Variants in FARP2 observed in about 807,000 individuals in gnomAD.
The protein encoded by FARP2 is FERM, ARHGEF and pleckstrin domain-containing protein 2.
Under a neutral mutation model 130.5 loss-of-function variants are expected in FARP2, and 111 were observed. The ratio of observed to expected loss-of-function variants is 0.85; its 90% confidence interval spans 0.73 to 1.00. The LOEUF (loss-of-function observed/expected upper bound fraction) is 1.00. Among genes scored for constraint, FARP2 ranks in the 50% least tolerant of loss-of-function variants. FARP2 has a pLI of 0.00. For synonymous variants in FARP2, 504 were observed against 516.9 expected, an observed-to-expected ratio of 0.98 and a Z score of 0.34; for missense variants, 1,385 against 1,346.3, an observed-to-expected ratio of 1.03 and a Z score of -0.45.
intron 17 of FARP2, chr2:241,465,988 A>G: frequency 7.2e-7 from 1 of 1,387,820 alleles, no homozygotes; most frequent in Middle Eastern, 2.7e-4. Flanking sequence ...AGGCAGTTGC[A>G]CTAATTTAAA....
In FARP2 at chr2:241,467,210, C is replaced by T. The variant is rs541735507; in HGVS notation, c.1894-930C>T. On this transcript the variant is annotated intron_variant, in intron 17 of 26. Transcript: ENST00000264042. ...GGTTGAGGCTGCAGTGAGCTATGAT[C>T]GCACCACTGCACTCCAGCCTAGGTG... Among the ~76,000 whole-genome samples the T allele has an allele frequency of 4.8e-4, 73 of 152,296 alleles. 3 individuals are homozygous for T. In the South Asian group the frequency reaches 0.011, roughly 24 times the overall value.
At chr2:241,487,166 C>T (rs1668195909) in intron 21 of FARP2, among the ~76,000 whole-genome samples, 1 of 152,188 alleles carries the variant, frequency 6.6e-6, no homozygotes, top group South Asian at 2.1e-4. Flanking sequence ...TCAGTAACTG[C>T]TTTTTACTTT....
intron 8 of FARP2, among the ~76,000 whole-genome samples, chr2:241,422,485 A>T (rs535303571): frequency 4.6e-5 from 7 of 152,260 alleles, no homozygotes; most frequent in Middle Eastern, 3.4e-3. Context: ...CTCAAAGATC[A>T]AAGTTTGATA....
Position 241,411,051 on chromosome 2 carries a change from A to G in FARP2, c.429A>G (p.Gln143=), listed in dbSNP as rs2240479. The G allele has an allele frequency of 0.092, 148,676 of 1,608,878 alleles. 7,190 individuals are homozygous for G. Among genetic ancestry groups the G allele is most frequent in the Middle Eastern group, 0.16 (955 of 6,050 alleles). The change falls in exon 6 of 27, where the codon CAA becomes CAG. Residue 143 remains glutamine (Q), a synonymous_variant. Transcript: ENST00000264042. ...CTTCTAGATACTTGTTTGCCTTGCA[A>G]CTTAAGAGAGACCTGCTGGAAGAGC... is the stretch of plus-strand genomic sequence containing the variant. ...EEYTRYLFAL[Q]LKRDLLEERL... is the part of the protein sequence containing the mutation.
At chr2:241,386,381 G>A (rs1478914609) in intron 2 of FARP2, among the ~76,000 whole-genome samples, 6 of 152,160 alleles carry the variant, frequency 3.9e-5, no homozygotes, top group Non-Finnish European at 7.3e-5. Flanking sequence ...TTACAGGCGC[G>A]AGTCATTGCT....
intron 2 of FARP2, among the ~76,000 whole-genome samples, chr2:241,375,091 C>T (rs1297303557): frequency 3.3e-5 from 5 of 152,110 alleles, no homozygotes; most frequent in Non-Finnish European, 5.9e-5. Context: ...GGACTACAGG[C>T]GCCCGCCACC....
Position 241,483,521 on chromosome 2 carries a change from G to A in FARP2, c.2319G>A (p.Arg773=), listed in dbSNP as rs754812528. ...HKLTKKGLQQ[R]MFFLFSDMLL... is the part of the protein sequence containing the mutation. ...TCACCAAGAAGGGCCTGCAGCAGAG[G>A]ATGTTTTTTCTGGTAGGTTCTCTCC... The change falls in exon 20 of 27, where the codon AGG becomes AGA. Residue 773 remains arginine, a synonymous_variant. Transcript: ENST00000264042. The A allele has an allele frequency of 6.2e-7, 1 of 1,614,146 alleles. No individual in the cohort carries two copies. The highest frequency in any genetic ancestry group is 1.3e-5 in the African/African-American group (1 of 75,080).
rs765795308 is a variant in FARP2, at chr2:241,373,210, C to T, written c.103C>T (p.Leu35Phe). 1 of 1,576,904 alleles carries T rather than the reference C, an allele frequency of 6.3e-7. No homozygotes were observed. The change falls in exon 2 of 27, where the codon CTC becomes TTC. Residue 35 changes from leucine (L) to phenylalanine (F), a missense_variant. Coordinates refer to ENST00000264042, the MANE Select transcript of FARP2 (RefSeq NM_014808.4). ...TAGCACCCTTGAGCCTGGGCAGACTCTCTTGCCCAGAATGCAAGAGAAGCA... is the reference window on the plus strand; with the variant it reads ...TAGCACCCTTGAGCCTGGGCAGACTTTCTTGCCCAGAATGCAAGAGAAGCA... Reference protein sequence around the residue: ...GVSTLEPGQTLLPRMQEKHLH... With the variant: ...GVSTLEPGQTFLPRMQEKHLH...
At chr2:241,446,457 G>C (rs1433612380) in intron 13 of FARP2, 3 of 152,158 alleles carry the variant, frequency 2.0e-5, no homozygotes, top group African/African-American at 7.2e-5. Context: ...GGTATGTTCT[G>C]ATTTTTCATG....
intron 13 of FARP2, chr2:241,442,349 C>T (rs1425469414): frequency 4.4e-6 from 2 of 456,726 alleles, no homozygotes; most frequent in Admixed American, 4.7e-5. Context: ...CCACCCACGA[C>T]GGCCGAGGAC....
intron 21 of FARP2, chr2:241,488,064 C>T (rs2064801681): frequency 6.6e-6 from 1 of 152,142 alleles, no homozygotes; most frequent in African/African-American, 2.4e-5. Context: ...GTGCTCAGAA[C>T]ATACATTAGC....
intron 19 of FARP2, among the ~76,000 whole-genome samples, chr2:241,481,696 T>TA (rs1261595347): frequency 6.6e-6 from 1 of 152,118 alleles, no homozygotes; most frequent in Non-Finnish European, 1.5e-5. Context: ...TGCAGGGTCT[T>TA]ATAGATGGTG....
chr2:241,483,416 G>T, intron 19 of FARP2, 49 bp from the exon 20 acceptor site: 1 of 1,522,130 alleles, frequency 6.6e-7, no homozygotes, highest in Non-Finnish European at 9.1e-7. Context: ...TAGTGCATCC[G>T]CCAGCTGCCC....
intron 11 of FARP2, among the ~76,000 whole-genome samples, chr2:241,436,017 AT>A (rs1268328463): frequency 7.1e-6 from 1 of 141,758 alleles, no homozygotes; most frequent in Non-Finnish European, 1.5e-5. Flanking sequence ...GGTTCACGCC[AT>A]TCTCTTGCCT....
intron 7 of FARP2, among the ~76,000 whole-genome samples, chr2:241,414,998 G>A (rs183808160): frequency 1.2e-3 from 181 of 152,298 alleles, no homozygotes; most frequent in African/African-American, 4.2e-3. Context: ...TGGCAATTAC[G>A]GACAGCTCTT....
chr2:241,471,014 G>C (rs1050548018), intron 18 of FARP2, among the ~76,000 whole-genome samples: 52 of 151,500 alleles, frequency 3.4e-4, no homozygotes, highest in African/African-American at 1.2e-3. Flanking sequence ...AGCGGATCTC[G>C]TTCTAAGTGG....
At chr2:241,395,840 T>C (rs2062017503) in intron 2 of FARP2, 1 of 152,180 alleles carries the variant, frequency 6.6e-6, no homozygotes, top group African/African-American at 2.4e-5. Flanking sequence ...TCAGTTGAAG[T>C]ATCAGGAACT....
chr2:241,423,113 C>A (rs1559755287), intron 8 of FARP2, among the ~76,000 whole-genome samples: 1 of 152,076 alleles, frequency 6.6e-6, no homozygotes, highest in African/African-American at 2.4e-5. Context: ...ATGCAGAGAA[C>A]CCCAGTAAGA....
intron 14 of FARP2, among the ~76,000 whole-genome samples, chr2:241,458,375 T>C (rs1432875421): frequency 6.6e-6 from 1 of 152,184 alleles, no homozygotes; most frequent in Non-Finnish European, 1.5e-5. Flanking sequence ...GAGGATATTC[T>C]GTCCAAGGCC....
Sources: gnomAD v4.1 joint callset for allele counts (sites outside exome capture counted in the v4.1 genomes callset) on GRCh38, gnomAD v4.1.1 for gene constraint, MANE v1.5 for transcripts, NCBI Gene and HGNC (gene_info 2026-07-23, HGNC 2026-07-21) for gene names.